CNTNAP5: variants seen among roughly 807,000 people sequenced by gnomAD.
The protein encoded by CNTNAP5 is contactin associated protein family member 5, also known as contactin-associated protein-like 5.
CNTNAP5 carries 72 observed loss-of-function variants against 150.2 expected under a neutral mutation model. The observed-to-expected ratio is 0.48, with a 90% CI of 0.40 to 0.58. The LOEUF is 0.58. Among genes scored for constraint, CNTNAP5 ranks in the 20% least tolerant of loss-of-function variants. CNTNAP5 has a pLI of 0.00. For missense variants in CNTNAP5, 1,636 were observed against 1,626.2 expected, an observed-to-expected ratio of 1.01 and a Z score of -0.10; for synonymous variants, 672 against 619.8, an observed-to-expected ratio of 1.08 and a Z score of -1.25.
At chr2:124,861,895 C>T (rs1395886559) in intron 19 of CNTNAP5, among the ~76,000 whole-genome samples, 1 of 152,188 alleles carries the variant, frequency 6.6e-6, no homozygotes, top group African/African-American at 2.4e-5. Flanking sequence ...CTCACTGCAA[C>T]CTCTACCTCC....
intron 11 of CNTNAP5, among the ~76,000 whole-genome samples, chr2:124,602,280 T>TGTAG (rs1439399469): frequency 7.0e-6 from 1 of 142,550 alleles, no homozygotes; most frequent in Non-Finnish European, 1.5e-5. Context: ...AGTCGGAGGT[T>TGTAG]GTAGTGAGCC....
chr2:124,137,001 A>T (rs1213094229), intron 1 of CNTNAP5, among the ~76,000 whole-genome samples: 3 of 152,158 alleles, frequency 2.0e-5, no homozygotes, highest in Non-Finnish European at 4.4e-5. Flanking sequence ...CCTAGGCTGG[A>T]GGAGAAATTC....
intron 1 of CNTNAP5, among the ~76,000 whole-genome samples, chr2:124,198,124 C>G (rs1187063952): frequency 6.6e-6 from 1 of 151,908 alleles, no homozygotes; most frequent in East Asian, 1.9e-4. Context: ...TTCATTTCCA[C>G]TTTAATTTTT....
chr2:124,889,078 CTTTTTTTTTTTTT>C lies in CNTNAP5; in HGVS notation c.3437-13788_3437-13776del, dbSNP rs761790564. Among the ~76,000 whole-genome samples the C allele has an allele frequency of 7.3e-5, 5 of 68,784 alleles. No homozygotes were observed. In the East Asian group the frequency reaches 1.4e-3, roughly 19 times the overall value. 45.1% of individuals were successfully genotyped at this position (68,784 alleles called of 152,430 possible). Reference sequence around the variant, plus strand: ...AGGATTCTTATAGTTTGAGGTCTAGCTTTTTTTTTTTTTTTTTTTTTTTTTTTTGAGAGAAAGA... The same window carrying C: ...AGGATTCTTATAGTTTGAGGTCTAGCTTTTTTTTTTTTTTTGAGAGAAAGA... On this transcript the variant is annotated intron_variant, in intron 21 of 23. Transcript: ENST00000682447.
chr2:124,804,657 C>T (rs1682044638), intron 19 of CNTNAP5, among the ~76,000 whole-genome samples: 1 of 152,254 alleles, frequency 6.6e-6, no homozygotes, highest in East Asian at 1.9e-4. Context: ...AGGCGGCCAT[C>T]CACAAGCCAG....
At chr2:124,533,084 C>T (rs1365278304) in intron 10 of CNTNAP5, among the ~76,000 whole-genome samples, 1 of 151,506 alleles carries the variant, frequency 6.6e-6, no homozygotes, top group Non-Finnish European at 1.5e-5. Context: ...GGACTTTGGT[C>T]CCACTTTTTC....
At chr2:124,771,048 G>T (rs529262506) in intron 16 of CNTNAP5, among the ~76,000 whole-genome samples, 36 of 152,258 alleles carry the variant, frequency 2.4e-4, no homozygotes, top group African/African-American at 8.2e-4. Context: ...GAAAGCAAAA[G>T]AATTCGAGCT....
At chr2:124,665,773 C>T (rs1265091075) in intron 13 of CNTNAP5, among the ~76,000 whole-genome samples, 6 of 151,888 alleles carry the variant, frequency 4.0e-5, no homozygotes, top group Admixed American at 3.9e-4. Flanking sequence ...GTAGTCCCAG[C>T]TGCTTAGGAG....
intron 1 of CNTNAP5, among the ~76,000 whole-genome samples, chr2:124,149,635 TA>T (rs2104631449): frequency 6.6e-6 from 1 of 152,286 alleles, no homozygotes; most frequent in South Asian, 2.1e-4. Flanking sequence ...AACTCTTTTG[TA>T]AAGGCTATCA....
chr2:124,209,459 C>T (rs1366629669), intron 1 of CNTNAP5, among the ~76,000 whole-genome samples: 3 of 152,258 alleles, frequency 2.0e-5, no homozygotes, highest in South Asian at 2.1e-4. Context: ...CAAATCTCAT[C>T]GATATTCTCT....
At position 124,791,840 on chromosome 2, in the gene CNTNAP5, C is replaced by A. The variant is rs967908681; in HGVS notation, c.2992+1699C>A. 3.3e-5 allele frequency among the ~76,000 whole-genome samples: 5 copies of A among 151,970 alleles called. No individual in the cohort carries two copies. The East Asian group carries it at 9.7e-4, about 29-fold the overall frequency. On this transcript the variant is annotated intron_variant, in intron 18 of 23. Transcript: ENST00000682447. ...AATTATGATCTGCAAGTTACATAGG[C>A]AAGTGTGTGCCTAGCCTTTTCATAT...
intron 11 of CNTNAP5, among the ~76,000 whole-genome samples, chr2:124,583,123 C>T (rs949130474): frequency 2.6e-5 from 4 of 151,124 alleles, no homozygotes; most frequent in African/African-American, 7.3e-5. Flanking sequence ...TTTCCACAGA[C>T]CAGCTTCTGC....
chr2:124,616,142 C>G (rs953878393), intron 12 of CNTNAP5, among the ~76,000 whole-genome samples: 3 of 152,036 alleles, frequency 2.0e-5, no homozygotes, highest in Non-Finnish European at 4.4e-5. Context: ...TGCATTAGTC[C>G]CTACCAAGAG....
chr2:124,028,150 T>A (rs1022811914), intron 1 of CNTNAP5, among the ~76,000 whole-genome samples: 17 of 152,330 alleles, frequency 1.1e-4, no homozygotes, highest in African/African-American at 4.1e-4. Flanking sequence ...GTGACATTTG[T>A]GACAGTAGCC....
chr2:124,252,769 G>T (rs1395259072), intron 3 of CNTNAP5, among the ~76,000 whole-genome samples: 1 of 151,986 alleles, frequency 6.6e-6, no homozygotes, highest in East Asian at 1.9e-4. Flanking sequence ...ATTGCTAAAA[G>T]ACTTCAAAAG....
intron 11 of CNTNAP5, among the ~76,000 whole-genome samples, chr2:124,570,211 G>A (rs1696120222): frequency 6.6e-6 from 1 of 152,156 alleles, no homozygotes; most frequent in Non-Finnish European, 1.5e-5. Flanking sequence ...TGAGGCATGT[G>A]CACATAACAA....
At chr2:124,648,050 A>G (rs1009549801) in intron 13 of CNTNAP5, 92 bp downstream of exon 13, 2 of 1,158,326 alleles carry the variant, frequency 1.7e-6, no homozygotes, top group Non-Finnish European at 2.5e-6. Flanking sequence ...GAAGGGGGCT[A>G]TAGTTACAGT....
At chr2:124,046,666 TG>T (rs1167640219) in intron 1 of CNTNAP5, among the ~76,000 whole-genome samples, 1 of 152,002 alleles carries the variant, frequency 6.6e-6, no homozygotes, top group Non-Finnish European at 1.5e-5. Flanking sequence ...AGAAGACGAT[TG>T]GGTTTTTAAT....
intron 1 of CNTNAP5, among the ~76,000 whole-genome samples, chr2:124,183,615 A>C (rs1198347856): frequency 1.3e-5 from 2 of 152,222 alleles, no homozygotes; most frequent in Admixed American, 1.3e-4. Flanking sequence ...CTTATTTGGC[A>C]AACAGATAAA....
Sources: allele counts gnomAD v4.1 joint callset (sites outside exome capture counted in the v4.1 genomes callset), GRCh38; gene constraint gnomAD v4.1.1; transcripts MANE v1.5; gene names NCBI Gene and HGNC (gene_info 2026-07-23, HGNC 2026-07-21).